The following SLC17A4 variants were observed in gnomAD, a reference collection of about 807,000 sequenced individuals.
The protein encoded by SLC17A4 is probable small intestine urate exporter.
In SLC17A4, 33 loss-of-function variants were observed where a neutral mutation model predicts 52.5. The observed-to-expected ratio is 0.63, with a 90% confidence interval of 0.48 to 0.84. The LOEUF is 0.84. Among genes scored for constraint, SLC17A4 ranks in the 40% least tolerant of loss-of-function variants. The pLI is 0.00. For synonymous variants in SLC17A4, 225 were observed against 216.2 expected, an observed-to-expected ratio of 1.04 and a Z score of -0.36; for missense variants, 585 against 597.1, an observed-to-expected ratio of 0.98 and a Z score of 0.21.
chr6:25,763,631 G>C (rs1438855085), intron 2 of SLC17A4, among the ~76,000 whole-genome samples: 1 of 152,008 alleles, frequency 6.6e-6, no homozygotes, highest in East Asian at 1.9e-4. Flanking sequence ...TGAATCCAGG[G>C]GTTCCATGGG....
At chr6:25,761,889 T>C (rs555568510) in intron 1 of SLC17A4, 38 bp from the exon 2 acceptor site, 1 of 1,238,808 alleles carries the variant, frequency 8.1e-7, no homozygotes, top group African/African-American at 1.5e-5. Context: ...TCATATAAGA[T>C]TCTCCCTGTA....
chr6:25,766,861 G>A (rs1045868804), intron 2 of SLC17A4, among the ~76,000 whole-genome samples: 1 of 152,156 alleles, frequency 6.6e-6, no homozygotes, highest in African/African-American at 2.4e-5. Flanking sequence ...CCAAAGAAGA[G>A]CCCAAGGAGA....
chr6:25,772,346 A>C (rs1762553235), intron 6 of SLC17A4, among the ~76,000 whole-genome samples: 1 of 152,116 alleles, frequency 6.6e-6, no homozygotes, highest in South Asian at 2.1e-4. Context: ...TCCGCACTTG[A>C]TTATGTTCCT....
chr6:25,776,549 G>C, intron 8 of SLC17A4, 46 bp from the exon 9 acceptor site: 1 of 1,549,856 alleles, frequency 6.5e-7, no homozygotes, highest in Non-Finnish European at 8.7e-7. Flanking sequence ...GTGTCGTGGT[G>C]GGGGTGGTAA....
At chr6:25,761,725 TA>T (rs1761550571) in intron 1 of SLC17A4, among the ~76,000 whole-genome samples, 1 of 152,158 alleles carries the variant, frequency 6.6e-6, no homozygotes, top group African/African-American at 2.4e-5. Flanking sequence ...GAGATATAAA[TA>T]CTAAGACCCA....
intron 1 of SLC17A4, among the ~76,000 whole-genome samples, chr6:25,759,568 T>G (rs1349913264): frequency 6.6e-6 from 1 of 152,234 alleles, no homozygotes; most frequent in Non-Finnish European, 1.5e-5. Context: ...CTTTTTCAAC[T>G]GCTGTTGCTT....
intron 10 of SLC17A4, 181 bp downstream of exon 10, chr6:25,777,140 G>A: frequency 1.4e-6 from 1 of 689,826 alleles, no homozygotes; most frequent in African/African-American, 1.8e-5. Context: ...GGACCATTGT[G>A]AACTTAGTTT....
Position 25,778,010 on chromosome 6 carries a change from C to T in SLC17A4, c.1353C>T (p.Ile451=). Residue 451 remains isoleucine (I), a synonymous_variant, in exon 11 of 12, where the codon ATC becomes ATT. Coordinates refer to ENST00000377905, the MANE Select transcript of SLC17A4 (RefSeq NM_005495.3). ...AISPTAAGFF[I]SQDSEFGWRN... The stretch of plus-strand genomic sequence containing the variant: ...CTCCTACTGCTGCTGGATTTTTCAT[C>T]AGTCAGGTGAGGTCAAATGTTCTGA... The T allele has an allele frequency of 6.2e-7, 1 of 1,606,080 alleles. No homozygotes were observed. Among genetic ancestry groups the T allele is most frequent in the Non-Finnish European group, 8.5e-7 (1 of 1,174,950 alleles).
At chr6:25,761,330 C>T (rs1445612555) in intron 1 of SLC17A4, among the ~76,000 whole-genome samples, 2 of 152,274 alleles carry the variant, frequency 1.3e-5, no homozygotes, top group Middle Eastern at 3.4e-3. Context: ...CTTATAATCG[C>T]CTCCCTGGCA....
chr6:25,774,160 G>A (rs62392752), intron 8 of SLC17A4, among the ~76,000 whole-genome samples: 15,831 of 152,140 alleles, frequency 0.1, 1,042 homozygotes, highest in Middle Eastern at 0.16. Context: ...AGACATTTGC[G>A]GAGTAATGTT....
rs746395027 is a variant in SLC17A4 at position 25,773,574 on chromosome 6, C to A, written c.887C>A (p.Ala296Asp). The change falls in exon 8 of 12, where the codon GCC becomes GAC. Residue 296 changes from alanine (A) to aspartate (D), a missense_variant. Transcript: ENST00000377905. ...RAMIKSLPLW[A>D]ILVSYFCEYW... ...ATGATCAAATCCTTACCACTCTGGG[C>A]CATTTTAGTCTCTTATTTCTGTGAA... is the stretch of plus-strand genomic sequence containing the variant. 2.4e-5 allele frequency: 39 copies of A among 1,613,814 alleles called. No homozygotes were observed. The highest frequency in any genetic ancestry group is 3.0e-5 in the Non-Finnish European group (35 of 1,179,910).
At position 25,770,480 on chromosome 6, in the gene SLC17A4, T is replaced by C; in HGVS notation, c.619+9T>C. 6.2e-7 allele frequency: 1 copy of C among 1,613,332 alleles called. No homozygotes were observed. The highest frequency in any genetic ancestry group is 1.3e-5 in the African/African-American group (1 of 75,012). ...CACCATTGCTGGATCAGGTAACTGGTACCCTAAACCTCACTTTACATGCAC... is the reference window on the plus strand; with the variant it reads ...CACCATTGCTGGATCAGGTAACTGGCACCCTAAACCTCACTTTACATGCAC... On this transcript the variant is annotated intron_variant, in intron 5 of 11. Transcript: ENST00000377905.
intron 2 of SLC17A4, among the ~76,000 whole-genome samples, chr6:25,767,841 G>C (rs1472632491): frequency 6.6e-6 from 1 of 152,214 alleles, no homozygotes; most frequent in East Asian, 1.9e-4. Context: ...TTCATTATTT[G>C]TCCATAATTT....
At chr6:25,761,875 A>G (rs1717175732) in intron 1 of SLC17A4, 52 bp from the exon 2 acceptor site, 2 of 1,037,028 alleles carry the variant, frequency 1.9e-6, no homozygotes, top group African/African-American at 1.6e-5. Flanking sequence ...GAATTGGGGT[A>G]ATATCATATA....
chr6:25,762,073 T>A lies in SLC17A4; in HGVS notation c.91+20T>A, dbSNP rs1246449206. On this transcript the variant is annotated intron_variant, in intron 2 of 11. Coordinates refer to ENST00000377905, the MANE Select transcript of SLC17A4 (RefSeq NM_005495.3). The stretch of plus-strand genomic sequence containing the variant: ...GGAAAGGTAAAATCATGCACAGTAA[T>A]CTGGTAGTAAATAAAACTAGGATCT... 3.7e-6 allele frequency: 6 copies of A among 1,602,124 alleles called. No individual in the cohort carries two copies. The South Asian group carries it at 6.7e-5, about 18-fold the overall frequency.
At chr6:25,773,134 G>A in intron 6 of SLC17A4, 141 bp from the exon 7 acceptor site, 1 of 723,290 alleles carries the variant, frequency 1.4e-6, no homozygotes, top group Non-Finnish European at 2.4e-6. Context: ...CCTCCCCCAT[G>A]ATAGGGCCAT....
intron 1 of SLC17A4, among the ~76,000 whole-genome samples, chr6:25,759,347 T>G (rs945144501): frequency 1.9e-4 from 29 of 152,216 alleles, no homozygotes; most frequent in African/African-American, 7.0e-4. Context: ...GTCCATTGTT[T>G]CTTTGCTGAC....
chr6:25,760,333 T>G (rs1761429306), intron 1 of SLC17A4, among the ~76,000 whole-genome samples: 1 of 152,214 alleles, frequency 6.6e-6, no homozygotes, highest in African/African-American at 2.4e-5. Context: ...CCATATCTGA[T>G]AGAATGCTGT....
intron 8 of SLC17A4, among the ~76,000 whole-genome samples, chr6:25,775,520 C>T (rs1301090039): frequency 1.3e-5 from 2 of 152,018 alleles, no homozygotes; most frequent in East Asian, 1.9e-4. Context: ...ACTAAAGCTT[C>T]GACCTCCCAG....
Sources: gnomAD v4.1 joint callset for allele counts (sites outside exome capture counted in the v4.1 genomes callset) on GRCh38, gnomAD v4.1.1 for gene constraint, MANE v1.5 for transcripts, NCBI Gene and HGNC (gene_info 2026-07-23, HGNC 2026-07-21) for gene names.